Variants in OPCML observed in about 807,000 individuals in gnomAD.
The protein encoded by OPCML is opioid binding protein/cell adhesion molecule like.
OPCML carries 13 observed loss-of-function variants against 37.8 expected under a neutral mutation model. The ratio of observed to expected loss-of-function variants is 0.34; its 90% CI spans 0.22 to 0.55. OPCML has a LOEUF of 0.55. OPCML is among the 20% of genes least tolerant of loss of function. The pLI is 0.91. For missense variants in OPCML, 341 were observed against 435.6 expected, an observed-to-expected ratio of 0.78 and a Z score of 1.93; for synonymous variants, 176 against 168.8, an observed-to-expected ratio of 1.04 and a Z score of -0.33.
At chr11:132,689,423 T>C (rs1422050917) in intron 2 of OPCML, among the ~76,000 whole-genome samples, 2 of 152,216 alleles carry the variant, frequency 1.3e-5, no homozygotes, top group African/African-American at 2.4e-5. Flanking sequence ...TCTCCGTGTA[T>C]TGACAAAATT....
intron 7 of OPCML, among the ~76,000 whole-genome samples, chr11:132,428,327 C>T (rs2095984480): frequency 6.6e-6 from 1 of 152,202 alleles, no homozygotes; most frequent in Non-Finnish European, 1.5e-5. Flanking sequence ...GAGGCTATAA[C>T]TGATGCCCTC....
intron 1 of OPCML, among the ~76,000 whole-genome samples, chr11:133,068,327 G>A (rs7938415): frequency 0.24 from 36,616 of 152,100 alleles, 5,022 homozygotes; most frequent in East Asian, 0.44. Context: ...TTCCTTAATA[G>A]ATCAGAAGAA....
At chr11:133,477,954 T>C (rs1035039556) in intron 1 of OPCML, among the ~76,000 whole-genome samples, 1 of 152,220 alleles carries the variant, frequency 6.6e-6, no homozygotes, top group African/African-American at 2.4e-5. Context: ...TATATTAGAT[T>C]TTAATTAAGT....
At chr11:132,527,701 C>CAA (rs2096312319) in intron 4 of OPCML, among the ~76,000 whole-genome samples, 1 of 152,090 alleles carries the variant, frequency 6.6e-6, no homozygotes, top group Non-Finnish European at 1.5e-5. Context: ...AAGGCTATGA[C>CAA]GAGTTAAGTT....
At chr11:132,881,858 T>G (rs773765351) in intron 2 of OPCML, among the ~76,000 whole-genome samples, 1 of 152,216 alleles carries the variant, frequency 6.6e-6, no homozygotes, top group East Asian at 1.9e-4. Context: ...GCTACCACAT[T>G]TCCCCCTTCT....
intron 1 of OPCML, among the ~76,000 whole-genome samples, chr11:133,346,903 C>T (rs570206147): frequency 1.2e-4 from 18 of 152,002 alleles, no homozygotes; most frequent in East Asian, 1.9e-4. Flanking sequence ...TGATTTGATG[C>T]GGATCTTCTA....
chr11:132,783,311 C>T (rs1034342125), intron 2 of OPCML, among the ~76,000 whole-genome samples: 1 of 152,070 alleles, frequency 6.6e-6, no homozygotes, highest in Admixed American at 6.6e-5. Flanking sequence ...TTCCATGTGA[C>T]GTGCCCTTTA....
In OPCML at chr11:132,700,873, A is replaced by G. The variant is rs537680467; in HGVS notation, c.147-43554T>C. ...TCTGGATGATCTATCTATCGTTGAA[A>G]ATAATGTATTCAAGTCCCTTACTAT... On this transcript the variant is annotated intron_variant, in intron 2 of 7. Transcript: ENST00000524381. 5.2e-4 allele frequency among the ~76,000 whole-genome samples: 79 copies of G among 152,278 alleles called. No homozygotes were observed. In the South Asian group the frequency reaches 0.016, roughly 31 times the overall value.
intron 3 of OPCML, among the ~76,000 whole-genome samples, chr11:132,573,141 G>A (rs1165362967): frequency 6.6e-6 from 1 of 151,366 alleles, no homozygotes; most frequent in Non-Finnish European, 1.5e-5. Flanking sequence ...TTTATTTAAG[G>A]AATCTTTGGG....
At position 133,082,570 on chromosome 11, in the gene OPCML, T is replaced by TCCC. The variant is rs1249638571; in HGVS notation, c.62-139561_62-139560insGGG. 5.1e-4 allele frequency among the ~76,000 whole-genome samples: 63 copies of TCCC among 123,600 alleles called. 4 individuals are homozygous for TCCC. Among genetic ancestry groups the TCCC allele is most frequent in the African/African-American group, 7.5e-4 (24 of 32,200 alleles). 81.1% of individuals were successfully genotyped at this position (123,600 alleles called of 152,430 possible). On this transcript the variant is annotated intron_variant, in intron 1 of 7. Transcript: ENST00000524381. Reference sequence around the variant, plus strand: ...CCCTCGCCCATCCCCCTTCCCCTCCTCTCCTCCTCATCCTCTCCTCCCCCT... The same window carrying TCCC: ...CCCTCGCCCATCCCCCTTCCCCTCCTCCCCTCCTCCTCATCCTCTCCTCCCCCT...
At chr11:132,652,422 A>G (rs1941480103) in intron 3 of OPCML, among the ~76,000 whole-genome samples, 1 of 151,732 alleles carries the variant, frequency 6.6e-6, no homozygotes, top group African/African-American at 2.4e-5. Flanking sequence ...ATTGATCTAG[A>G]GCAGAGAACT....
chr11:133,133,009 G>A (rs891873934), intron 1 of OPCML, among the ~76,000 whole-genome samples: 4 of 152,220 alleles, frequency 2.6e-5, no homozygotes, highest in East Asian at 1.9e-4. Context: ...TAGAACCAAC[G>A]TCAGAGAAAC....
At chr11:133,490,259 T>C (rs1947626093) in intron 1 of OPCML, among the ~76,000 whole-genome samples, 1 of 152,212 alleles carries the variant, frequency 6.6e-6, no homozygotes, top group Non-Finnish European at 1.5e-5. Context: ...AACCCACCTT[T>C]CTGAGATTTC....
intron 1 of OPCML, among the ~76,000 whole-genome samples, chr11:133,207,585 G>A (rs1433066250): frequency 6.6e-6 from 1 of 152,136 alleles, no homozygotes; most frequent in Non-Finnish European, 1.5e-5. Flanking sequence ...GGCGGCGGTT[G>A]GGCTAGGGTT....
chr11:132,556,825 G>A (rs982854185), intron 3 of OPCML, among the ~76,000 whole-genome samples: 3 of 152,096 alleles, frequency 2.0e-5, no homozygotes, highest in African/African-American at 7.2e-5. Context: ...ACCAAGTACT[G>A]CAGGAAAAGA....
intron 2 of OPCML, among the ~76,000 whole-genome samples, chr11:132,865,330 G>C (rs1942488866): frequency 6.6e-6 from 1 of 152,120 alleles, no homozygotes; most frequent in Non-Finnish European, 1.5e-5. Flanking sequence ...TTTGAAAACT[G>C]TACAAAGAAG....
At chr11:132,961,035 C>T (rs919297609) in intron 1 of OPCML, among the ~76,000 whole-genome samples, 1 of 151,982 alleles carries the variant, frequency 6.6e-6, no homozygotes, top group Non-Finnish European at 1.5e-5. Context: ...TGCCGGATTC[C>T]GAAAAAGGGC....
intron 2 of OPCML, among the ~76,000 whole-genome samples, chr11:132,747,614 T>G (rs1017505711): frequency 2.6e-5 from 4 of 152,132 alleles, no homozygotes; most frequent in Admixed American, 1.3e-4. Context: ...CAGAGCCTCT[T>G]CCTCAGTCCT....
intron 1 of OPCML, among the ~76,000 whole-genome samples, chr11:133,318,087 C>T (rs1451724884): frequency 6.6e-6 from 1 of 152,318 alleles, no homozygotes; most frequent in East Asian, 1.9e-4. Context: ...AAACAACCTG[C>T]CTCTGTGATG....
Sources: gnomAD v4.1 joint callset for allele counts (sites outside exome capture counted in the v4.1 genomes callset) on GRCh38, gnomAD v4.1.1 for gene constraint, MANE v1.5 for transcripts, NCBI Gene and HGNC (gene_info 2026-07-23, HGNC 2026-07-21) for gene names.